NFYC: variants seen among roughly 807,000 people sequenced by gnomAD.
The protein encoded by NFYC is nuclear transcription factor Y subunit gamma.
In NFYC, 25 loss-of-function variants were observed where a neutral mutation model predicts 53.1. That is an observed-to-expected ratio of 0.47 (90% CI 0.34 to 0.66). The LOEUF is 0.66. NFYC is among the 30% of genes least tolerant of loss of function. The pLI, the probability that NFYC is intolerant of heterozygous loss-of-function variation, is 0.01. For missense variants in NFYC, 260 were observed against 422.7 expected (o/e 0.62, Z 3.38); for synonymous variants, 145 against 152.6 (o/e 0.95, Z 0.37).
chr1:40,728,665 T>G (rs12742219), intron 1 of NFYC, among the ~76,000 whole-genome samples: 32,486 of 151,896 alleles, frequency 0.21, 4,112 homozygotes, highest in South Asian at 0.41. Context: ...TGAGACGGAG[T>G]CTCGCTGTGC....
At chr1:40,729,735 G>C (rs141098611) in intron 1 of NFYC, among the ~76,000 whole-genome samples, 1 of 151,672 alleles carries the variant, frequency 6.6e-6, no homozygotes, top group Admixed American at 6.6e-5. Context: ...GAGTGCAATG[G>C]TACGATCTCA....
intron 9 of NFYC, 24 bp downstream of exon 9, chr1:40,769,439 G>GC: frequency 6.2e-7 from 1 of 1,612,388 alleles, no homozygotes; most frequent in Non-Finnish European, 8.5e-7. Context: ...CCTGGGCTGG[G>GC]CAGAGGGTGA....
chr1:40,750,132 T>A (rs1557873881), intron 4 of NFYC, among the ~76,000 whole-genome samples: 1 of 152,040 alleles, frequency 6.6e-6, no homozygotes, highest in East Asian at 1.9e-4. Context: ...TTCCTGGGAG[T>A]CCTTTTCTTT....
At chr1:40,747,747 C>T (rs1270505448) in intron 3 of NFYC, 142 bp downstream of exon 3, 1 of 637,896 alleles carries the variant, frequency 1.6e-6, no homozygotes, top group Admixed American at 2.9e-5. Context: ...GGTTCCTGTG[C>T]AAAATTGTTA....
intron 1 of NFYC, among the ~76,000 whole-genome samples, chr1:40,716,162 T>C (rs1308489508): frequency 6.6e-6 from 1 of 152,246 alleles, no homozygotes; most frequent in Non-Finnish European, 1.5e-5. Flanking sequence ...GTGGAGACTT[T>C]AAAAATGTAT....
chr1:40,717,527 C>T (rs760951624), intron 1 of NFYC, among the ~76,000 whole-genome samples: 4 of 152,156 alleles, frequency 2.6e-5, no homozygotes, highest in Non-Finnish European at 5.9e-5. Flanking sequence ...ACAAGTTCAA[C>T]TAAATGAGGG....
intron 1 of NFYC, among the ~76,000 whole-genome samples, chr1:40,702,374 T>G (rs964115201): frequency 6.7e-6 from 1 of 148,512 alleles, no homozygotes; most frequent in Non-Finnish European, 1.5e-5. Flanking sequence ...AGGGAGTCTC[T>G]CTTTGTCACC....
At chr1:40,738,769 G>A in intron 1 of NFYC, 67 bp from the exon 2 acceptor site, 2 of 1,121,802 alleles carry the variant, frequency 1.8e-6, no homozygotes, top group Non-Finnish European at 2.7e-6. Context: ...ATATACAAAT[G>A]CCTAATCTGG....
At chr1:40,746,827 T>C (rs1427345200) in intron 2 of NFYC, among the ~76,000 whole-genome samples, 1 of 152,184 alleles carries the variant, frequency 6.6e-6, no homozygotes, top group African/African-American at 2.4e-5. Flanking sequence ...ACAGTGAAGT[T>C]ATATGGTCCT....
At chr1:40,700,437 G>T (rs1024941316) in intron 1 of NFYC, among the ~76,000 whole-genome samples, 1 of 152,128 alleles carries the variant, frequency 6.6e-6, no homozygotes, top group Non-Finnish European at 1.5e-5. Flanking sequence ...AAACTTCTGG[G>T]TTCAAGTCAT....
At chr1:40,729,447 GAGTT>G (rs1464912046) in intron 1 of NFYC, among the ~76,000 whole-genome samples, 1 of 152,198 alleles carries the variant, frequency 6.6e-6, no homozygotes, top group Non-Finnish European at 1.5e-5. Flanking sequence ...ATAGAATTGA[GAGTT>G]AGGGCATTGC....
intron 1 of NFYC, among the ~76,000 whole-genome samples, chr1:40,704,678 C>G (rs1252119839): frequency 6.6e-6 from 1 of 152,146 alleles, no homozygotes; most frequent in Non-Finnish European, 1.5e-5. Context: ...ACGCTGAAGA[C>G]CTTCATAGAG....
Position 40,739,017 on chromosome 1 carries a change from A to G in NFYC, c.105+69A>G, listed in dbSNP as rs557852972. On this transcript the variant is annotated intron_variant, in intron 2 of 9. Coordinates refer to ENST00000447388, the MANE Select transcript of NFYC (RefSeq NM_014223.5). ...ATAAAGAGCTCTGGGAAATTAACCAAAACTCAGACTAAAGCATTTTTAATT... is the reference window on the plus strand; with the variant it reads ...ATAAAGAGCTCTGGGAAATTAACCAGAACTCAGACTAAAGCATTTTTAATT... The G allele has an allele frequency of 1.7e-5, 18 of 1,074,670 alleles. No homozygotes were observed. In the African/African-American group the frequency reaches 2.3e-4, roughly 14 times the overall value. The allele number at this position is 1,074,670 out of a possible 1,614,324, so 66.6% of individuals were successfully genotyped here. A position where few individuals can be genotyped will look rare whatever the true frequency, so the allele number is the denominator to read the frequency against.
chr1:40,756,455 AC>A (rs1374607513), intron 5 of NFYC, among the ~76,000 whole-genome samples: 1 of 152,218 alleles, frequency 6.6e-6, no homozygotes, highest in African/African-American at 2.4e-5. Context: ...CCAGAATGTT[AC>A]AGGTATCTCC....
intron 1 of NFYC, among the ~76,000 whole-genome samples, chr1:40,705,803 G>A (rs1643666490): frequency 6.6e-6 from 1 of 152,192 alleles, no homozygotes; most frequent in South Asian, 2.1e-4. Flanking sequence ...CTGGAGGGCA[G>A]TGGGATGATC....
At chr1:40,707,494 AGAG>A (rs1178034935) in intron 1 of NFYC, among the ~76,000 whole-genome samples, 39 of 21,654 alleles carry the variant, frequency 1.8e-3, no homozygotes, top group Non-Finnish European at 2.0e-3. Context: ...AAAAAAAAAA[AGAG>A]AGAGAGAGAG....
intron 1 of NFYC, among the ~76,000 whole-genome samples, chr1:40,696,685 T>C (rs1643164897): frequency 6.6e-6 from 1 of 152,210 alleles, no homozygotes; most frequent in African/African-American, 2.4e-5. Flanking sequence ...AGGACATTAC[T>C]AGGGTCACAA....
chr1:40,699,944 A>G (rs1178078345), intron 1 of NFYC, among the ~76,000 whole-genome samples: 1 of 152,192 alleles, frequency 6.6e-6, no homozygotes, highest in Non-Finnish European at 1.5e-5. Flanking sequence ...AAGAGGGAAG[A>G]TACATTACGC....
intron 6 of NFYC, among the ~76,000 whole-genome samples, chr1:40,762,080 A>G (rs1646577345): frequency 6.6e-6 from 1 of 152,226 alleles, no homozygotes. Context: ...AAAAGAGTAC[A>G]TTTCATAGGA....
Sources: allele counts gnomAD v4.1 joint callset (sites outside exome capture counted in the v4.1 genomes callset), GRCh38; gene constraint gnomAD v4.1.1; transcripts MANE v1.5; gene names NCBI Gene and HGNC (gene_info 2026-07-23, HGNC 2026-07-21).